NTRK2: variants seen among roughly 807,000 people sequenced by gnomAD.
NTRK2 encodes the protein BDNF/NT-3 growth factors receptor.
In NTRK2, 13 loss-of-function variants were observed where a neutral mutation model predicts 94.5. The observed-to-expected ratio is 0.14, with a 90% CI of 0.09 to 0.22. NTRK2 has a LOEUF of 0.22. Ranked by LOEUF, NTRK2 falls within the 10% of genes least tolerant of loss-of-function variation. The pLI is 1.00. For missense variants in NTRK2, 639 were observed against 1,071.2 expected (o/e 0.60, Z 5.63); for synonymous variants, 372 against 407.4 (o/e 0.91, Z 1.05).
chr9:84,766,444 T>C (rs1432572222), intron 12 of NTRK2, among the ~76,000 whole-genome samples: 1 of 152,132 alleles, frequency 6.6e-6, no homozygotes, highest in Non-Finnish European at 1.5e-5. Context: ...GGTACTTGGA[T>C]ACGACAGAAA....
chr9:84,988,458 T>A (rs111301596), intron 17 of NTRK2, among the ~76,000 whole-genome samples: 18 of 146,440 alleles, frequency 1.2e-4, no homozygotes, highest in South Asian at 6.6e-4. Context: ...ACACACACAC[T>A]CACACTCACT....
At position 85,025,929 on chromosome 9, in the gene NTRK2, A is replaced by G. The variant is rs1259712612; in HGVS notation, c.*4492A>G. The G allele has an allele frequency of 4.3e-6, 1 of 232,272 alleles. No individual in the cohort carries two copies. The highest frequency in any genetic ancestry group is 6.1e-5 in the East Asian group (1 of 16,436). 14.4% of individuals were successfully genotyped at this position (232,272 alleles called of 1,614,324 possible). A position where few individuals can be genotyped will look rare whatever the true frequency, so the allele number is the denominator to read the frequency against. On this transcript the variant is annotated 3_prime_UTR_variant, in exon 19 of 19. Transcript: ENST00000277120. ...AGAATGAGGGGTGGGAGGGATTTAT[A>G]GTTAGAAACGACAGTGCAGGAAGGG...
chr9:84,925,937 C>A (rs1489794504), intron 14 of NTRK2, among the ~76,000 whole-genome samples: 1 of 151,700 alleles, frequency 6.6e-6, no homozygotes, highest in African/African-American at 2.4e-5. Context: ...CTGGGGCAGA[C>A]CTAAGATGCC....
rs34302450 is a variant in NTRK2, at chr9:84,754,302, C to CT, written c.1396+2229dup. Among the ~76,000 whole-genome samples, 102 of 144,870 alleles carry CT rather than the reference C, an allele frequency of 7.0e-4. 1 individual carries two copies. Among genetic ancestry groups the CT allele is most frequent in the South Asian group, 4.9e-3 (22 of 4,506 alleles). ...ATTTTTAGAAATTTTGTCTCAGAGA[C>CT]TTTTTTTTTTTTAGAATAGCTTACT... On this transcript the variant is annotated intron_variant, in intron 12 of 18. Transcript: ENST00000277120.
At chr9:84,993,386 G>C (rs530842731) in intron 17 of NTRK2, among the ~76,000 whole-genome samples, 1 of 152,238 alleles carries the variant, frequency 6.6e-6, no homozygotes, top group African/African-American at 2.4e-5. Flanking sequence ...CCCATCACCA[G>C]CATGCCCTAG....
At chr9:84,931,694 A>G (rs1306967178) in intron 14 of NTRK2, among the ~76,000 whole-genome samples, 1 of 150,058 alleles carries the variant, frequency 6.7e-6, no homozygotes, top group Non-Finnish European at 1.5e-5. Flanking sequence ...CTGCGAAAAG[A>G]AAGAAGGTAT....
At chr9:84,902,506 G>A (rs1465429738) in intron 14 of NTRK2, among the ~76,000 whole-genome samples, 1 of 152,148 alleles carries the variant, frequency 6.6e-6, no homozygotes, top group Non-Finnish European at 1.5e-5. Flanking sequence ...GTACTTTTGG[G>A]AGAAATCTTC....
At chr9:84,971,767 G>A (rs938393876) in intron 17 of NTRK2, among the ~76,000 whole-genome samples, 15 of 152,210 alleles carry the variant, frequency 9.9e-5, no homozygotes, top group Admixed American at 5.9e-4. Context: ...CAGAAGCTCA[G>A]TGGGGAGATG....
intron 12 of NTRK2, among the ~76,000 whole-genome samples, chr9:84,780,670 C>A (rs576732180): frequency 1.2e-4 from 18 of 152,336 alleles, no homozygotes; most frequent in Non-Finnish European, 2.4e-4. Context: ...CATATACTAA[C>A]ATGGGTACTG....
chr9:84,842,544 C>T (rs2074245551), intron 12 of NTRK2, among the ~76,000 whole-genome samples: 1 of 152,058 alleles, frequency 6.6e-6, no homozygotes, highest in African/African-American at 2.4e-5. Context: ...GTGGCTCTGC[C>T]TCTCCTCGTT....
chr9:84,702,504 T>G lies in NTRK2; in HGVS notation c.359+85T>G. The stretch of plus-strand genomic sequence containing the variant: ...CTGTTTATTTTCCTTCTTTTCCAAC[T>G]TGAAACCTCCCTTTTTAAAGTTAGT... On this transcript the variant is annotated intron_variant, in intron 4 of 18. Transcript: ENST00000277120. 2.7e-6 allele frequency: 3 copies of G among 1,126,424 alleles called. No homozygotes were observed. The South Asian group carries it at 3.7e-5, about 14-fold the overall frequency. 69.8% of individuals were successfully genotyped at this position (1,126,424 alleles called of 1,614,324 possible). A position where few individuals can be genotyped will look rare whatever the true frequency, so the allele number is the denominator to read the frequency against.
intron 11 of NTRK2, among the ~76,000 whole-genome samples, chr9:84,751,727 A>G (rs570730186): frequency 1.3e-5 from 2 of 152,254 alleles, no homozygotes; most frequent in South Asian, 2.1e-4. Flanking sequence ...TAAAATGCCA[A>G]TTGGATAGCC....
rs745611460 is a variant in NTRK2 at position 84,755,525 on chromosome 9, C to CTTTTTTTT, written c.1396+3461_1396+3468dup. On this transcript the variant is annotated intron_variant, in intron 12 of 18. Coordinates refer to ENST00000277120, the MANE Select transcript of NTRK2 (RefSeq NM_006180.6). Reference sequence around the variant, plus strand: ...TTCTAAAAGAGACAAAGTCCCACCTCTTTTTTTTTTTTTTTTTTTTTTTTT... The same window carrying CTTTTTTTT: ...TTCTAAAAGAGACAAAGTCCCACCTCTTTTTTTTTTTTTTTTTTTTTTTTTTTTTTTTT... Among the ~76,000 whole-genome samples, 137 of 60,650 alleles carry CTTTTTTTT rather than the reference C, an allele frequency of 2.3e-3. 7 individuals are homozygous for CTTTTTTTT. Among genetic ancestry groups the CTTTTTTTT allele is most frequent in the African/African-American group, 8.7e-3 (125 of 14,372 alleles). 39.8% of individuals were successfully genotyped at this position (60,650 alleles called of 152,430 possible).
rs142065941 is a variant in NTRK2 at position 84,793,701 on chromosome 9, G to A, written c.1396+41616G>A. 2.2e-4 allele frequency among the ~76,000 whole-genome samples: 33 copies of A among 152,290 alleles called. No homozygotes were observed. The East Asian group carries it at 6.0e-3, about 28-fold the overall frequency. On this transcript the variant is annotated intron_variant, in intron 12 of 18. Coordinates refer to ENST00000277120, the MANE Select transcript of NTRK2 (RefSeq NM_006180.6). The stretch of plus-strand genomic sequence containing the variant: ...AGCTATTTTAATGAGAAAGAATGAA[G>A]CATTTCCATTTTGTTCTATTTCAGA...
chr9:84,815,414 G>A (rs2072289379), intron 12 of NTRK2: 3 of 1,041,984 alleles, frequency 2.9e-6, no homozygotes, highest in South Asian at 4.6e-5. Context: ...CACATACAAA[G>A]TAACAAGAGA....
At position 85,023,818 on chromosome 9, in the gene NTRK2, G is replaced by A. The variant is rs1832905158; in HGVS notation, c.*2381G>A. ...CCAACACAGGTTTGTCACGCTGCAT[G>A]TCTGGCCAGCTAATCTCGGGGGAAA... On this transcript the variant is annotated 3_prime_UTR_variant, in exon 19 of 19. Coordinates refer to ENST00000277120, the MANE Select transcript of NTRK2 (RefSeq NM_006180.6). 1 of 229,576 alleles carries A rather than the reference G, an allele frequency of 4.4e-6. No individual in the cohort carries two copies. The highest frequency in any genetic ancestry group is 2.2e-5 in the African/African-American group (1 of 45,044). 14.2% of individuals were successfully genotyped at this position (229,576 alleles called of 1,614,324 possible).
chr9:84,884,328 A>C (rs1189909964), intron 14 of NTRK2, among the ~76,000 whole-genome samples: 1 of 152,222 alleles, frequency 6.6e-6, no homozygotes, highest in Non-Finnish European at 1.5e-5. Context: ...CTCAGTTGAA[A>C]ACAAAAATGT....
At chr9:84,741,673 T>C (rs184409121) in intron 9 of NTRK2, among the ~76,000 whole-genome samples, 1 of 152,360 alleles carries the variant, frequency 6.6e-6, no homozygotes, top group Admixed American at 6.5e-5. Flanking sequence ...GTGATTTGTT[T>C]TCTTTTTTGG....
In NTRK2 at chr9:84,675,324, C is replaced by CTTTTTTTTTTTTTTTTTTTT. The variant is rs536445167; in HGVS notation, c.212+4372_212+4391dup. Among the ~76,000 whole-genome samples the CTTTTTTTTTTTTTTTTTTTT allele has an allele frequency of 1.0e-3, 67 of 67,320 alleles. 4 individuals carry two copies. Among genetic ancestry groups the CTTTTTTTTTTTTTTTTTTTT allele is most frequent in the Middle Eastern group, 0.014 (1 of 74 alleles). 44.2% of individuals were successfully genotyped at this position (67,320 alleles called of 152,430 possible). On this transcript the variant is annotated intron_variant, in intron 2 of 18. Transcript: ENST00000277120. ...CTCTTCTCCTTTCTTTCTTTCTTTC[C>CTTTTTTTTTTTTTTTTTTTT]TTTTTTTTTTTTTTTTTTTTTTTTT... is the stretch of plus-strand genomic sequence containing the variant.
Sources: gnomAD v4.1 joint callset for allele counts (sites outside exome capture counted in the v4.1 genomes callset) on GRCh38, gnomAD v4.1.1 for gene constraint, MANE v1.5 for transcripts, NCBI Gene and HGNC (gene_info 2026-07-23, HGNC 2026-07-21) for gene names.